The following TMEM243 variants were observed in gnomAD, a reference collection of about 807,000 sequenced individuals.
The protein encoded by TMEM243 is transmembrane protein 243.
TMEM243 carries 20 observed loss-of-function variants against 15.0 expected under a neutral mutation model. That is an observed-to-expected ratio of 1.33 (90% CI 0.94 to 1.93). The LOEUF (loss-of-function observed/expected upper bound fraction) is 1.93. TMEM243 is among the 30% of genes most tolerant of loss of function. TMEM243 has a pLI of 0.00. For synonymous variants in TMEM243, 72 were observed against 52.7 expected, an observed-to-expected ratio of 1.37 and a Z score of -1.59; for missense variants, 156 against 142.1, an observed-to-expected ratio of 1.10 and a Z score of -0.50.
chr7:87,204,532 C>T (rs1406444210), intron 1 of TMEM243, among the ~76,000 whole-genome samples: 1 of 152,196 alleles, frequency 6.6e-6, no homozygotes, highest in African/African-American at 2.4e-5. Flanking sequence ...TACACACATT[C>T]CAAATCAGAA....
chr7:87,198,984 A>AG, intron 2 of TMEM243, 23 bp downstream of exon 2: 1 of 1,580,956 alleles, frequency 6.3e-7, no homozygotes. Flanking sequence ...AGCCTGGGTG[A>AG]GGCACAAAAT....
intron 1 of TMEM243, among the ~76,000 whole-genome samples, chr7:87,213,928 T>C (rs997123164): frequency 2.6e-5 from 4 of 152,188 alleles, no homozygotes; most frequent in Non-Finnish European, 5.9e-5. Flanking sequence ...TCAGTGTATG[T>C]ACCTTCTCCC....
intron 1 of TMEM243, among the ~76,000 whole-genome samples, chr7:87,215,614 T>G (rs994791192): frequency 1.3e-5 from 2 of 152,208 alleles, no homozygotes; most frequent in African/African-American, 2.4e-5. Context: ...AACACAGGCT[T>G]GGAAACTTCA....
rs558909529 is a variant in TMEM243 at position 87,207,323 on chromosome 7, C to A, written c.79-8266G>T. Among the ~76,000 whole-genome samples, 15 of 4,334 alleles carry A rather than the reference C, an allele frequency of 3.5e-3. 6 individuals carry two copies. In the South Asian group the frequency reaches 0.082, roughly 24 times the overall value. 2.8% of individuals were successfully genotyped at this position (4,334 alleles called of 152,430 possible). A position where few individuals can be genotyped will look rare whatever the true frequency, so the allele number is the denominator to read the frequency against. The stretch of plus-strand genomic sequence containing the variant: ...CAGAAAAGCAAAAGCCGGCCGGGCG[C>A]GGTGGCTCACGCTTGTAATCCCAGC... On this transcript the variant is annotated intron_variant, in intron 1 of 3. Coordinates refer to ENST00000257637, the MANE Select transcript of TMEM243 (RefSeq NM_024315.4).
chr7:87,203,287 G>A (rs4728688), intron 1 of TMEM243, among the ~76,000 whole-genome samples: 111,681 of 151,894 alleles, frequency 0.74, 41,188 homozygotes, highest in Middle Eastern at 0.83. Flanking sequence ...AAGGCTTTGG[G>A]GAATGGTGGA....
chr7:87,214,334 T>G (rs1802959003), intron 1 of TMEM243, among the ~76,000 whole-genome samples: 1 of 152,186 alleles, frequency 6.6e-6, no homozygotes, highest in Non-Finnish European at 1.5e-5. Context: ...GTACTAAAGC[T>G]TGTACTAAAG....
chr7:87,218,275 G>C (rs1803250408), intron 1 of TMEM243, among the ~76,000 whole-genome samples: 1 of 152,204 alleles, frequency 6.6e-6, no homozygotes, highest in African/African-American at 2.4e-5. Flanking sequence ...ACTGTGGGCT[G>C]GGATTATACA....
intron 1 of TMEM243, among the ~76,000 whole-genome samples, chr7:87,200,135 G>A (rs939489850): frequency 8.5e-5 from 13 of 152,100 alleles, no homozygotes; most frequent in African/African-American, 2.9e-4. Flanking sequence ...GGCAAAATTG[G>A]GAGGGAAAGA....
At chr7:87,209,738 G>GAGAGCGAGACACAGTGAGAGCGAGACAC (rs1562885288) in intron 1 of TMEM243, among the ~76,000 whole-genome samples, 5 of 145,836 alleles carry the variant, frequency 3.4e-5, no homozygotes, top group East Asian at 4.0e-4. Context: ...GAGACACAGT[G>GAGAGCGAGACACAGTGAGAGCGAGACAC]AGAGCGAGAC....
chr7:87,198,265 ACAT>A (rs1323727060), intron 2 of TMEM243: 1 of 447,880 alleles, frequency 2.2e-6, no homozygotes, highest in Admixed American at 4.0e-5. Context: ...AGGAGAGAAA[ACAT>A]CAGTAATACT....
chr7:87,208,542 CAA>C (rs1802389792), intron 1 of TMEM243, among the ~76,000 whole-genome samples: 1 of 152,206 alleles, frequency 6.6e-6, no homozygotes, highest in African/African-American at 2.4e-5. Context: ...CCCAAACCTC[CAA>C]CCACTTCTAG....
At position 87,198,144 on chromosome 7, in the gene TMEM243, T is replaced by A. The variant is rs1487825238; in HGVS notation, c.130-99A>T. On this transcript the variant is annotated intron_variant, in intron 2 of 3. Transcript: ENST00000257637. ...AACAGTACTACAAAATGCTTCATGT[T>A]ATAAAATTACATCTGCCACCAAGTT... The A allele has an allele frequency of 1.1e-5, 11 of 968,258 alleles. No individual in the cohort carries two copies. The East Asian group carries it at 2.8e-4, about 25-fold the overall frequency. 60.0% of individuals were successfully genotyped at this position (968,258 alleles called of 1,614,324 possible).
rs549156918 is a variant in TMEM243 at position 87,215,409 on chromosome 7, T to A, written c.78+4017A>T. Among the ~76,000 whole-genome samples, 7 of 151,790 alleles carry A rather than the reference T, an allele frequency of 4.6e-5. No individual in the cohort carries two copies. The East Asian group carries it at 6.3e-4, about 14-fold the overall frequency. On this transcript the variant is annotated intron_variant, in intron 1 of 3. Transcript: ENST00000257637. ...CTGAGCCACCATGCCTAGTTTAAAATTTTTTTTTAAATATTGATTATATGT... is the reference window on the plus strand; with the variant it reads ...CTGAGCCACCATGCCTAGTTTAAAAATTTTTTTTAAATATTGATTATATGT...
chr7:87,198,310 C>A, intron 2 of TMEM243: 1 of 351,982 alleles, frequency 2.8e-6, no homozygotes, highest in East Asian at 4.9e-5. Context: ...ATTAACTAAA[C>A]CTCACTCCCA....
chr7:87,212,213 A>G (rs1023592364), intron 1 of TMEM243, among the ~76,000 whole-genome samples: 2 of 152,224 alleles, frequency 1.3e-5, no homozygotes, highest in Admixed American at 1.3e-4. Context: ...CACTATTTAT[A>G]CCATGTCTAA....
intron 1 of TMEM243, among the ~76,000 whole-genome samples, chr7:87,215,383 C>T (rs1803030898): frequency 1.3e-5 from 2 of 151,974 alleles, no homozygotes; most frequent in Non-Finnish European, 2.9e-5. Flanking sequence ...GGATTACAGG[C>T]CTGAGCCACC....
At chr7:87,206,197 C>G (rs1802205275) in intron 1 of TMEM243, among the ~76,000 whole-genome samples, 1 of 152,060 alleles carries the variant, frequency 6.6e-6, no homozygotes. Context: ...GTCCCTCCCA[C>G]AACACGTGGG....
intron 1 of TMEM243, among the ~76,000 whole-genome samples, chr7:87,216,201 G>C (rs1316763033): frequency 6.6e-6 from 1 of 151,810 alleles, no homozygotes; most frequent in Admixed American, 6.6e-5. Context: ...ATGAACCTGG[G>C]AGGCGGAGCT....
chr7:87,218,402 C>T (rs1054333470), intron 1 of TMEM243, among the ~76,000 whole-genome samples: 13 of 152,158 alleles, frequency 8.5e-5, no homozygotes, highest in Non-Finnish European at 1.8e-4. Flanking sequence ...ATAAAGTAGT[C>T]CTGTGGCAGC....
Sources: allele counts gnomAD v4.1 joint callset (sites outside exome capture counted in the v4.1 genomes callset), GRCh38; gene constraint gnomAD v4.1.1; transcripts MANE v1.5; gene names NCBI Gene and HGNC (gene_info 2026-07-23, HGNC 2026-07-21).